The following FARS2 variants were observed in gnomAD, a reference collection of about 807,000 sequenced individuals.
FARS2 encodes the protein phenylalanine--tRNA ligase, mitochondrial.
Under a neutral mutation model 46.4 loss-of-function variants are expected in FARS2, and 40 were observed. The ratio of observed to expected loss-of-function variants is 0.86; its 90% CI spans 0.67 to 1.12. The LOEUF (loss-of-function observed/expected upper bound fraction) is 1.12, where lower values mean the gene tolerates loss of function less well. Ranked by LOEUF, FARS2 falls within the 50% of genes most tolerant of loss-of-function variation. The probability of loss-of-function intolerance (pLI) is 0.00; values close to 1 mark genes in which losing one functional copy is unlikely to be tolerated. For synonymous variants in FARS2, 234 were observed against 214.9 expected, an observed-to-expected ratio of 1.09 and a Z score of -0.78; for missense variants, 513 against 567.9, an observed-to-expected ratio of 0.90 and a Z score of 0.98.
At position 5,351,181 on chromosome 6, in the gene FARS2, A is replaced by G. The variant is rs146993993; in HGVS notation, c.-21-17369A>G. On this transcript the variant is annotated intron_variant, in intron 1 of 6. Coordinates refer to ENST00000274680, the MANE Select transcript of FARS2 (RefSeq NM_006567.5). ...TCTCCACCAGCCTGTGAACTGGAGC[A>G]TAGGGCCATTATTTGTTCATCTTCA... Among the ~76,000 whole-genome samples the G allele has an allele frequency of 2.8e-3, 431 of 152,320 alleles. 4 individuals are homozygous for G. Among genetic ancestry groups the G allele is most frequent in the African/African-American group, 0.01 (418 of 41,576 alleles).
intron 3 of FARS2, among the ~76,000 whole-genome samples, chr6:5,411,760 A>G (rs1405456408): frequency 6.6e-6 from 1 of 152,208 alleles, no homozygotes. Context: ...AGGCTATTAT[A>G]AGAAAGGTTA....
intron 6 of FARS2, among the ~76,000 whole-genome samples, chr6:5,658,542 A>G (rs1219491202): frequency 6.6e-6 from 1 of 152,176 alleles, no homozygotes; most frequent in African/African-American, 2.4e-5. Context: ...TACATAAACT[A>G]CATTACATGT....
chr6:5,371,832 G>A (rs1211012552), intron 2 of FARS2, among the ~76,000 whole-genome samples: 1 of 152,032 alleles, frequency 6.6e-6, no homozygotes, highest in Non-Finnish European at 1.5e-5. Context: ...TAAGGATGTA[G>A]ATATAAGTCC....
intron 1 of FARS2, among the ~76,000 whole-genome samples, chr6:5,299,886 G>A (rs565960024): frequency 3.3e-5 from 5 of 151,968 alleles, no homozygotes; most frequent in Non-Finnish European, 7.4e-5. Context: ...CAGATTATAG[G>A]ACTTCTCAGT....
At chr6:5,328,588 T>C (rs1770563252) in intron 1 of FARS2, among the ~76,000 whole-genome samples, 1 of 152,084 alleles carries the variant, frequency 6.6e-6, no homozygotes, top group Admixed American at 6.6e-5. Flanking sequence ...CCATCATGTC[T>C]CCGACATCCA....
rs1774557972 is a variant in FARS2, at chr6:5,602,156, G to A, written c.1066-11013G>A. On this transcript the variant is annotated intron_variant, in intron 5 of 6. Transcript: ENST00000274680. ...AGAATGATAGTGCTACCCTGTTTCA[G>A]TAACATTAAAAAGGAGAAGAGTTTT... 3.3e-5 allele frequency among the ~76,000 whole-genome samples: 5 copies of A among 152,306 alleles called. 1 individual carries two copies. The South Asian group carries it at 1.0e-3, about 32-fold the overall frequency.
At chr6:5,560,307 T>C (rs1038979424) in intron 5 of FARS2, among the ~76,000 whole-genome samples, 1 of 152,172 alleles carries the variant, frequency 6.6e-6, no homozygotes, top group South Asian at 2.1e-4. Flanking sequence ...TAAATCTGTC[T>C]ATATATTTCG....
At chr6:5,616,010 T>TAAAA (rs11327256) in intron 6 of FARS2, among the ~76,000 whole-genome samples, 12 of 95,810 alleles carry the variant, frequency 1.3e-4, no homozygotes, top group East Asian at 6.9e-4. Context: ...CCATAGCTCT[T>TAAAA]AAAAAAAAAA....
intron 4 of FARS2, among the ~76,000 whole-genome samples, chr6:5,467,499 T>A (rs1488581091): frequency 6.8e-6 from 1 of 147,692 alleles, no homozygotes; most frequent in Non-Finnish European, 1.5e-5. Context: ...TAATAAAATA[T>A]TCTTCAGTGA....
At chr6:5,590,853 T>TCTTA (rs3058053) in intron 5 of FARS2, among the ~76,000 whole-genome samples, 151,599 of 152,298 alleles carry the variant, frequency 1, 75,454 homozygotes, top group Middle Eastern at 1. Context: ...AATACCTACA[T>TCTTA]CTTATTTTAA....
chr6:5,286,916 G>C (rs1406345533), intron 1 of FARS2, among the ~76,000 whole-genome samples: 1 of 152,168 alleles, frequency 6.6e-6, no homozygotes, highest in Non-Finnish European at 1.5e-5. Context: ...GGGCATGTTC[G>C]CCTCTGAACC....
intron 4 of FARS2, among the ~76,000 whole-genome samples, chr6:5,530,128 T>C (rs148063316): frequency 6.6e-6 from 1 of 152,262 alleles, no homozygotes; most frequent in African/African-American, 2.4e-5. Flanking sequence ...CTAGAGGAGC[T>C]CTGAAGTGAA....
chr6:5,348,067 C>T (rs186831708), intron 1 of FARS2, among the ~76,000 whole-genome samples: 97 of 152,294 alleles, frequency 6.4e-4, no homozygotes, highest in Non-Finnish European at 1.2e-3. Context: ...AGGAATTCTT[C>T]ATATATCCAG....
chr6:5,698,450 T>C (rs1001384837), intron 6 of FARS2, among the ~76,000 whole-genome samples: 5 of 152,112 alleles, frequency 3.3e-5, no homozygotes, highest in East Asian at 1.9e-4. Flanking sequence ...ACCTCCAGCA[T>C]TGGGGATTAT....
At chr6:5,473,933 T>C (rs1022308359) in intron 4 of FARS2, among the ~76,000 whole-genome samples, 1 of 152,222 alleles carries the variant, frequency 6.6e-6, no homozygotes, top group African/African-American at 2.4e-5. Flanking sequence ...GCTGCTGATA[T>C]CACTGTGTTT....
chr6:5,628,607 G>C (rs909986668), intron 6 of FARS2, among the ~76,000 whole-genome samples: 1 of 152,212 alleles, frequency 6.6e-6, no homozygotes, highest in Admixed American at 6.5e-5. Flanking sequence ...AAGGGCGCTT[G>C]GATTACTCCT....
At chr6:5,721,024 G>C (rs538765789) in intron 6 of FARS2, among the ~76,000 whole-genome samples, 106 of 152,278 alleles carry the variant, frequency 7.0e-4, no homozygotes, top group Non-Finnish European at 1.2e-3. Context: ...CTATACTCTA[G>C]CCTGGGTGAC....
chr6:5,633,546 G>A (rs1314091993), intron 6 of FARS2, among the ~76,000 whole-genome samples: 1 of 152,024 alleles, frequency 6.6e-6, no homozygotes, highest in Non-Finnish European at 1.5e-5. Context: ...GGGATTACAG[G>A]CGTGAGCCAC....
chr6:5,366,250 A>G (rs975986112), intron 1 of FARS2, among the ~76,000 whole-genome samples: 1 of 152,222 alleles, frequency 6.6e-6, no homozygotes, highest in East Asian at 1.9e-4. Flanking sequence ...AACAATACTT[A>G]CATCACAGAA....
Sources: gnomAD v4.1 joint callset for allele counts (sites outside exome capture counted in the v4.1 genomes callset) on GRCh38, gnomAD v4.1.1 for gene constraint, MANE v1.5 for transcripts, NCBI Gene and HGNC (gene_info 2026-07-23, HGNC 2026-07-21) for gene names.